Variants in RASA3 observed in about 807,000 individuals in gnomAD.
RASA3 encodes the protein RAS p21 protein activator 3, also known as ras GTPase-activating protein 3.
RASA3 carries 73 observed loss-of-function variants against 110.0 expected under a neutral mutation model. The ratio of observed to expected loss-of-function variants is 0.66; its 90% CI spans 0.55 to 0.81. The LOEUF is 0.81. RASA3 is among the 30% of genes least tolerant of loss of function. The pLI is 0.00. For missense variants in RASA3, 976 were observed against 1,113.2 expected (o/e 0.88, Z 1.75); for synonymous variants, 500 against 451.4 (o/e 1.11, Z -1.37).
intron 1 of RASA3, among the ~76,000 whole-genome samples, chr13:114,099,321 C>T (rs575324119): frequency 6.6e-6 from 1 of 152,040 alleles, no homozygotes; most frequent in South Asian, 2.1e-4. Flanking sequence ...CTCCTCCCTG[C>T]ATGGGGACAC....
At chr13:114,068,084 C>T (rs1037135591) in intron 2 of RASA3, among the ~76,000 whole-genome samples, 4 of 152,234 alleles carry the variant, frequency 2.6e-5, no homozygotes, top group Admixed American at 6.5e-5. Flanking sequence ...GAGTTCAGGC[C>T]GTGGCACCTC....
chr13:114,111,085 G>A (rs1348978478), intron 1 of RASA3, among the ~76,000 whole-genome samples: 3 of 83,238 alleles, frequency 3.6e-5, no homozygotes, highest in African/African-American at 1.3e-4. Flanking sequence ...GCTGCAGGCC[G>A]AGTTCTAACG....
At chr13:114,053,296 A>G (rs1455905822) in intron 2 of RASA3, among the ~76,000 whole-genome samples, 3 of 152,130 alleles carry the variant, frequency 2.0e-5, no homozygotes, top group African/African-American at 7.2e-5. Context: ...AATAACCACA[A>G]CCCCAATAAA....
chr13:114,012,910 G>A (rs1413068830), intron 15 of RASA3, among the ~76,000 whole-genome samples: 2 of 70,548 alleles, frequency 2.8e-5, no homozygotes, highest in South Asian at 1.1e-3. Context: ...CACTCCCCAC[G>A]CAGTCCACGC....
At chr13:114,000,520 T>G (rs779365737) in intron 19 of RASA3, among the ~76,000 whole-genome samples, 2 of 152,178 alleles carry the variant, frequency 1.3e-5, no homozygotes, top group South Asian at 2.1e-4. Flanking sequence ...ACCCTGGCCA[T>G]GACGAGGCGA....
In RASA3 at chr13:114,102,391, CAGAG is replaced by C. The variant is rs144437282; in HGVS notation, c.56-28558_56-28555del. On this transcript the variant is annotated intron_variant, in intron 1 of 23. Coordinates refer to ENST00000334062, the MANE Select transcript of RASA3 (RefSeq NM_007368.4). The stretch of plus-strand genomic sequence containing the variant: ...AGTGAAGGAGGAAGAGAGACGGAGA[CAGAG>C]AGACGGTGAGAGGGAGAGGGACAGA... 5.1e-3 allele frequency among the ~76,000 whole-genome samples: 776 copies of C among 152,124 alleles called. 7 individuals are homozygous for C. The highest frequency in any genetic ancestry group is 0.018 in the African/African-American group (730 of 41,480).
Position 114,096,008 on chromosome 13 carries a change from CACA to C in RASA3, c.56-22174_56-22172del, listed in dbSNP as rs1449532271. ...CAAGCTAATCAACGTTAATTTTTCA[CACA>C]ACGACTGGGAAAATCTGCCTACAGG... On this transcript the variant is annotated intron_variant, in intron 1 of 23. Transcript: ENST00000334062. This position sits in a 1 kb window ranked among gnomAD's most constrained non-coding sequence, Gnocchi z 5.1. Among the ~76,000 whole-genome samples, 1 of 152,228 alleles carries C rather than the reference CACA, an allele frequency of 6.6e-6. No homozygotes were observed. Among genetic ancestry groups the C allele is most frequent in the African/African-American group, 2.4e-5 (1 of 41,450 alleles).
intron 18 of RASA3, among the ~76,000 whole-genome samples, chr13:114,003,984 T>TA (rs2053459551): frequency 6.6e-6 from 1 of 152,250 alleles, no homozygotes; most frequent in South Asian, 2.1e-4. Flanking sequence ...AAAGAACTTT[T>TA]TGTCTAAATG....
chr13:114,098,573 G>A (rs1315609528), intron 1 of RASA3, among the ~76,000 whole-genome samples: 1 of 152,080 alleles, frequency 6.6e-6, no homozygotes, highest in Admixed American at 6.5e-5. Context: ...GTGTGTGTGT[G>A]TGGAATGGGG....
chr13:114,066,756 A>G (rs2079458748), intron 2 of RASA3, among the ~76,000 whole-genome samples: 1 of 152,330 alleles, frequency 6.6e-6, no homozygotes, highest in East Asian at 1.9e-4. Context: ...GGACACACAC[A>G]TGCAGGTGGA....
At chr13:113,991,114 C>T (rs371107828) in intron 22 of RASA3, among the ~76,000 whole-genome samples, 2 of 89,892 alleles carry the variant, frequency 2.2e-5, no homozygotes, top group East Asian at 3.4e-4. Flanking sequence ...GGCAGCTGCA[C>T]GGACACCCAG....
At chr13:114,121,879 C>T (rs775855142) in intron 1 of RASA3, among the ~76,000 whole-genome samples, 2 of 152,256 alleles carry the variant, frequency 1.3e-5, no homozygotes, top group Non-Finnish European at 2.9e-5. Flanking sequence ...TCTCTCCTGC[C>T]TCGCACCATG....
At chr13:114,077,747 C>T (rs1313825922) in intron 1 of RASA3, 1 of 930,310 alleles carries the variant, frequency 1.1e-6, no homozygotes, top group Non-Finnish European at 1.3e-6. Flanking sequence ...TGCCCAGTCC[C>T]CTGGCCCCAA....
chr13:114,083,553 CA>C (rs1415068643), intron 1 of RASA3, among the ~76,000 whole-genome samples: 7 of 139,016 alleles, frequency 5.0e-5, no homozygotes, highest in African/African-American at 7.7e-5. Context: ...GCGGGGAAAT[CA>C]CGGGGAAGTG....
Position 114,011,029 on chromosome 13 carries a change from AAG to A in RASA3, c.1590+140_1590+141del. 1 of 801,260 alleles carries A rather than the reference AAG, an allele frequency of 1.2e-6. No individual in the cohort carries two copies. Among genetic ancestry groups the A allele is most frequent in the East Asian group, 2.7e-5 (1 of 36,412 alleles). 49.6% of individuals were successfully genotyped at this position (801,260 alleles called of 1,614,324 possible). ...CGGGGACGCTCAGGTCCTGGGTTTC[AAG>A]AGAGGATGTGGTGCCGGCTTTGATT... On this transcript the variant is annotated intron_variant, in intron 16 of 23. Transcript: ENST00000334062. The surrounding 1 kb of genome is among the most constrained non-coding windows in gnomAD (Gnocchi z 4.8).
intron 23 of RASA3, 96 bp downstream of exon 23, chr13:113,981,579 G>A (rs954728258): frequency 7.2e-7 from 1 of 1,387,382 alleles, no homozygotes; most frequent in Admixed American, 1.8e-5. Context: ...CTGAGCACGG[G>A]CGGCCCCACC....
chr13:114,007,684 C>T (rs1594309994), intron 17 of RASA3, 78 bp from the exon 18 acceptor site: 10 of 1,225,978 alleles, frequency 8.2e-6, no homozygotes, highest in East Asian at 4.6e-5. Context: ...ACAACAGCGT[C>T]GGCGGCTACT....
chr13:114,118,269 A>T (rs931856561), intron 1 of RASA3, among the ~76,000 whole-genome samples: 4 of 152,020 alleles, frequency 2.6e-5, no homozygotes, highest in Non-Finnish European at 5.9e-5. Flanking sequence ...TGGGAACCCC[A>T]GGGGGGCAAA....
Position 113,996,571 on chromosome 13 carries a change from C to A in RASA3, c.2101G>T (p.Ala701Ser). Residue 701 changes from alanine to serine, a missense_variant, in exon 21 of 24, where the codon GCG becomes TCG. By Grantham distance (99) the Ala-to-Ser change is moderately conservative. This residue lies in a region of RASA3 where 109 missense variants were observed against 162.5 expected (regional missense o/e 0.67). Transcript: ENST00000334062. ...CAGCCCGGAGCCGAGTCGGATGGCG[C>A]CCTACAGCACAGCCAGTGGCCGCTC... Reference protein sequence around the residue: ...YLSGHWLCCRAPSDSAPGCSP... With the variant: ...YLSGHWLCCRSPSDSAPGCSP... 6.2e-7 allele frequency: 1 copy of A among 1,613,262 alleles called. No homozygotes were observed. The highest frequency in any genetic ancestry group is 8.5e-7 in the Non-Finnish European group (1 of 1,180,012).
Sources: allele counts gnomAD v4.1 joint callset (sites outside exome capture counted in the v4.1 genomes callset), GRCh38; gene constraint gnomAD v4.1.1; regional missense constraint gnomAD v4.1.1; non-coding constraint Gnocchi (gnomAD v3.1); transcripts MANE v1.5; gene names NCBI Gene and HGNC (gene_info 2026-07-23, HGNC 2026-07-21).